The following DHRS12 variants were observed in gnomAD, a reference collection of about 807,000 sequenced individuals.
DHRS12 encodes dehydrogenase/reductase 12, also known as dehydrogenase/reductase SDR family member 12.
In DHRS12, 29 loss-of-function variants were observed where a neutral mutation model predicts 32.1. That is an observed-to-expected ratio of 0.90 (90% confidence interval 0.67 to 1.23). DHRS12 has a LOEUF of 1.23. Among genes scored for constraint, DHRS12 ranks in the 50% most tolerant of loss-of-function variants. The probability of loss-of-function intolerance (pLI) is 0.00; values close to 1 mark genes in which losing one functional copy is unlikely to be tolerated. For missense variants in DHRS12, 330 were observed against 337.2 expected, an observed-to-expected ratio of 0.98 and a Z score of 0.17; for synonymous variants, 150 against 135.9, an observed-to-expected ratio of 1.10 and a Z score of -0.72.
At chr13:51,787,697 TATATAA>T (rs1249413153) in intron 4 of DHRS12, among the ~76,000 whole-genome samples, 3 of 140,624 alleles carry the variant, frequency 2.1e-5, no homozygotes, top group African/African-American at 7.9e-5. Context: ...AGTATAAATA[TATATAA>T]ATATATAATT....
chr13:51,768,435 T>C (rs1486145584), intron 8 of DHRS12, 139 bp from the exon 9 acceptor site: 2 of 1,462,098 alleles, frequency 1.4e-6, no homozygotes, highest in Middle Eastern at 2.5e-4. Context: ...ATCCCTGCTG[T>C]CAAAGGTCCC....
At chr13:51,773,563 C>G (rs568577069) in intron 6 of DHRS12, among the ~76,000 whole-genome samples, 30 of 152,094 alleles carry the variant, frequency 2.0e-4, no homozygotes, top group Non-Finnish European at 2.8e-4. Flanking sequence ...CCGCCCCTCC[C>G]AGTGAGCCTC....
intron 4 of DHRS12, chr13:51,789,426 G>T: frequency 1.9e-6 from 1 of 532,228 alleles, no homozygotes; most frequent in Non-Finnish European, 2.4e-6. Flanking sequence ...TTAACTCTTG[G>T]CCTCATTCCA....
At chr13:51,788,758 C>G (rs1282774461) in intron 4 of DHRS12, among the ~76,000 whole-genome samples, 1 of 151,728 alleles carries the variant, frequency 6.6e-6, no homozygotes, top group East Asian at 1.9e-4. Flanking sequence ...TACTTGGGAG[C>G]GTGAGGTGAA....
In DHRS12 at chr13:51,791,518, A is replaced by G. The variant is rs1423642857; in HGVS notation, c.127-261T>C. Among the ~76,000 whole-genome samples, 5 of 152,230 alleles carry G rather than the reference A, an allele frequency of 3.3e-5. No individual in the cohort carries two copies. The East Asian group carries it at 9.6e-4, about 29-fold the overall frequency. On this transcript the variant is annotated intron_variant, in intron 2 of 8. Transcript: ENST00000444610. Reference sequence around the variant, plus strand: ...TATATACATACACCACACAAATAGGATCAGACTATGCATTGTTCTACATCC... The same window carrying G: ...TATATACATACACCACACAAATAGGGTCAGACTATGCATTGTTCTACATCC...
chr13:51,798,622 A>T (rs1955613834), intron 2 of DHRS12, among the ~76,000 whole-genome samples: 1 of 152,208 alleles, frequency 6.6e-6, no homozygotes, highest in Non-Finnish European at 1.5e-5. Flanking sequence ...AGTGCTTCCC[A>T]GCTGCTAAGA....
intron 8 of DHRS12, chr13:51,768,737 G>C (rs557906748): frequency 1.8e-6 from 2 of 1,130,904 alleles, no homozygotes; most frequent in East Asian, 1.2e-4. Context: ...CCACTGGGGA[G>C]AGACGTGAAC....
At position 51,791,158 on chromosome 13, in the gene DHRS12, A is replaced by G. The variant is rs1318337682; in HGVS notation, c.219+7T>C. On this transcript the variant is annotated splice_region_variant and intron_variant, in intron 3 of 8. Coordinates refer to ENST00000444610, the MANE Select transcript of DHRS12 (RefSeq NM_001377533.1). ...ATTTATTCTCCACTTATGTTTACAA[A>G]GCTCACCAGAACATGGAGTTTATGT... The G allele has an allele frequency of 6.4e-7, 1 of 1,556,358 alleles. No homozygotes were observed. Among genetic ancestry groups the G allele is most frequent in the Non-Finnish European group, 8.7e-7 (1 of 1,148,506 alleles).
intron 4 of DHRS12, among the ~76,000 whole-genome samples, chr13:51,786,973 C>T (rs939827763): frequency 6.6e-5 from 10 of 152,148 alleles, no homozygotes. Flanking sequence ...TTTTGTCTGG[C>T]CTGGTCCTGC....
chr13:51,763,560 A>C (rs1338542143), downstream of DHRS12: 1 of 152,234 alleles, frequency 6.6e-6, no homozygotes, highest in Non-Finnish European at 1.5e-5. Flanking sequence ...ACACTTTGGG[A>C]GGACAAGGTG....
At chr13:51,793,492 A>G (rs1955374288) in intron 2 of DHRS12, among the ~76,000 whole-genome samples, 1 of 152,248 alleles carries the variant, frequency 6.6e-6, no homozygotes, top group African/African-American at 2.4e-5. Flanking sequence ...CTCACCTGAG[A>G]CAAATGAGAC....
rs1279925348 is a variant in DHRS12 at position 51,789,295 on chromosome 13, T to C, written c.301+716A>G. ...GGAAGAGTGTTGGATTCACTGCATC[T>C]CAAAGTTGAAAGGCCCCTTGGATTG... On this transcript the variant is annotated intron_variant, in intron 4 of 8. Transcript: ENST00000444610. 1.4e-4 allele frequency among the ~76,000 whole-genome samples: 22 copies of C among 152,130 alleles called. 1 individual carries two copies. The highest frequency in any genetic ancestry group is 1.4e-3 in the Admixed American group (22 of 15,282).
At chr13:51,792,383 G>A (rs1379824667) in intron 2 of DHRS12, among the ~76,000 whole-genome samples, 2 of 151,968 alleles carry the variant, frequency 1.3e-5, no homozygotes, top group East Asian at 1.9e-4. Flanking sequence ...ATATGTGTTG[G>A]CCATTTGTTT....
intron 1 of DHRS12, 33 bp from the exon 2 acceptor site, chr13:51,799,700 G>C: frequency 6.2e-7 from 1 of 1,609,476 alleles, no homozygotes; most frequent in Non-Finnish European, 8.5e-7. Context: ...AAGACCAGCT[G>C]TAAGGAGTGG....
intron 1 of DHRS12, among the ~76,000 whole-genome samples, chr13:51,800,702 TG>T (rs1955714801): frequency 6.6e-6 from 1 of 152,264 alleles, no homozygotes; most frequent in Admixed American, 6.5e-5. Context: ...TTACATGCTC[TG>T]GAACTCGGGG....
At chr13:51,794,653 C>A (rs933437100) in intron 2 of DHRS12, among the ~76,000 whole-genome samples, 1 of 152,192 alleles carries the variant, frequency 6.6e-6, no homozygotes, top group African/African-American at 2.4e-5. Flanking sequence ...CCTCTGTGAT[C>A]TTTCCCTCTA....
chr13:51,770,774 T>G (rs1211163674), intron 7 of DHRS12: 3 of 1,022,602 alleles, frequency 2.9e-6, no homozygotes, highest in African/African-American at 3.5e-5. Context: ...ATGAGGCATG[T>G]ACTATTCAGG....
the DHRS12 span, chr13:51,760,043 GA>G: frequency 2.8e-6 from 1 of 353,624 alleles, no homozygotes. Flanking sequence ...TGAGTGTACC[GA>G]AAAATCTGTG....
intron 5 of DHRS12, 136 bp downstream of exon 5, chr13:51,776,924 T>C (rs1172746198): frequency 2.1e-6 from 2 of 946,630 alleles, no homozygotes; most frequent in Non-Finnish European, 3.3e-6. Context: ...CTCGGCCCCC[T>C]GACAGAATTG....
Sources: gnomAD v4.1 joint callset for allele counts (sites outside exome capture counted in the v4.1 genomes callset) on GRCh38, gnomAD v4.1.1 for gene constraint, MANE v1.5 for transcripts, NCBI Gene and HGNC (gene_info 2026-07-23, HGNC 2026-07-21) for gene names.